HYCC2: variants seen among roughly 807,000 people sequenced by gnomAD.
HYCC2 encodes the protein hyccin 2.
At chr2:201,014,359 A>C in the HYCC2 span, among the ~76,000 whole-genome samples, 2 of 152,346 alleles carry the variant, frequency 1.3e-5, no homozygotes, top group East Asian at 1.9e-4. Context: ...AAGAAAAAAC[A>C]ATCAGGCAAG....
At chr2:201,029,300 G>A in the HYCC2 span, among the ~76,000 whole-genome samples, 1 of 152,042 alleles carries the variant, frequency 6.6e-6, no homozygotes, top group African/African-American at 2.4e-5. Flanking sequence ...CAGAAAATCA[G>A]GAAACAACAG....
At chr2:200,983,535 A>G in the HYCC2 span, among the ~76,000 whole-genome samples, 1 of 152,206 alleles carries the variant, frequency 6.6e-6, no homozygotes, top group Non-Finnish European at 1.5e-5. Context: ...TTTAATCATC[A>G]TGCAAAGCCA....
chr2:201,068,488 C>T, the HYCC2 span, among the ~76,000 whole-genome samples: 14 of 152,070 alleles, frequency 9.2e-5, no homozygotes, highest in African/African-American at 3.4e-4. Flanking sequence ...AGTGGTGAAC[C>T]AAATTAATCA....
chr2:201,005,232 G>C, the HYCC2 span, among the ~76,000 whole-genome samples: 1 of 152,092 alleles, frequency 6.6e-6, no homozygotes, highest in Non-Finnish European at 1.5e-5. Context: ...TAACCTGAGC[G>C]GGGCCAAGGG....
chr2:201,011,518 A>T, the HYCC2 span: 1 of 1,055,740 alleles, frequency 9.5e-7, no homozygotes, highest in Non-Finnish European at 1.4e-6. Context: ...TCACAGATCT[A>T]CACGAAATAA....
At chr2:201,065,643 A>G in the HYCC2 span, among the ~76,000 whole-genome samples, 2 of 152,366 alleles carry the variant, frequency 1.3e-5, no homozygotes, top group East Asian at 3.9e-4. Context: ...TAAAGTCAAC[A>G]GAACCTAGCA....
the HYCC2 span, among the ~76,000 whole-genome samples, chr2:201,038,822 C>T: frequency 1.3e-5 from 2 of 151,696 alleles, no homozygotes; most frequent in Admixed American, 6.6e-5. Context: ...TGCAGTACAC[C>T]AACATGGCAC....
chr2:200,977,418 T>G, the HYCC2 span: 1 of 152,224 alleles, frequency 6.6e-6, no homozygotes, highest in Non-Finnish European at 1.5e-5. Context: ...CCAGGGTTTC[T>G]TCTTAGCACA....
At chr2:201,040,843 G>A in the HYCC2 span, among the ~76,000 whole-genome samples, 4 of 152,120 alleles carry the variant, frequency 2.6e-5, no homozygotes, top group Non-Finnish European at 4.4e-5. Flanking sequence ...ATTTATGACA[G>A]AATGACAGTG....
At chr2:200,980,969 G>A in the HYCC2 span, 1 of 392,948 alleles carries the variant, frequency 2.5e-6, no homozygotes, top group Non-Finnish European at 4.7e-6. Context: ...GTTGAAATGG[G>A]ACCGATCAGC....
At chr2:200,975,313 T>A in the HYCC2 span, 2 of 152,002 alleles carry the variant, frequency 1.3e-5, no homozygotes, top group African/African-American at 2.4e-5. Flanking sequence ...TTTGGTAAAT[T>A]TTGTAATCAA....
At chr2:201,022,039 G>T in the HYCC2 span, 2 of 1,282,470 alleles carry the variant, frequency 1.6e-6, no homozygotes, top group East Asian at 1.1e-4. Flanking sequence ...AAGTTAAGCT[G>T]CTGGTTAGGA....
the HYCC2 span, among the ~76,000 whole-genome samples, chr2:201,003,726 T>G: frequency 6.8e-6 from 1 of 147,198 alleles, no homozygotes; most frequent in African/African-American, 2.5e-5. Context: ...AAAAAAAAAG[T>G]GAAAACATAT....
the HYCC2 span, among the ~76,000 whole-genome samples, chr2:201,055,158 T>C: frequency 6.6e-6 from 1 of 152,186 alleles, no homozygotes; most frequent in East Asian, 1.9e-4. Context: ...ATTTGAAATA[T>C]TGGCATCTTT....
the HYCC2 span, among the ~76,000 whole-genome samples, chr2:201,041,946 C>T: frequency 6.6e-6 from 1 of 152,042 alleles, no homozygotes; most frequent in Non-Finnish European, 1.5e-5. Flanking sequence ...TCTCTCTCCC[C>T]CTCCCCCTCC....
At chr2:201,029,850 A>T in the HYCC2 span, among the ~76,000 whole-genome samples, 2 of 152,206 alleles carry the variant, frequency 1.3e-5, no homozygotes, top group Non-Finnish European at 2.9e-5. Flanking sequence ...TAATGGGTGC[A>T]GCAAACCAAC....
chr2:200,977,727 T>C, the HYCC2 span: 1,724 of 152,446 alleles, frequency 0.011, 17 homozygotes, highest in Non-Finnish European at 0.017. Context: ...GGTGCATGCC[T>C]GGAGTTCCAG....
the HYCC2 span, chr2:201,008,916 T>A: frequency 9.9e-7 from 1 of 1,012,090 alleles, no homozygotes; most frequent in Admixed American, 1.8e-5. Flanking sequence ...TTCATTCATA[T>A]ATATATTCAT....
At chr2:200,982,934 T>C in the HYCC2 span, among the ~76,000 whole-genome samples, 3 of 152,026 alleles carry the variant, frequency 2.0e-5, no homozygotes, top group South Asian at 6.2e-4. Flanking sequence ...ATTTTTGTAT[T>C]TTTAGTAGAG....
Sources: gnomAD v4.1 joint callset for allele counts (sites outside exome capture counted in the v4.1 genomes callset) on GRCh38, gnomAD v4.1.1 for gene constraint, MANE v1.5 for transcripts, NCBI Gene and HGNC (gene_info 2026-07-23, HGNC 2026-07-21) for gene names.